PPP2R2A: variants seen among roughly 807,000 people sequenced by gnomAD.
PPP2R2A encodes serine/threonine-protein phosphatase 2A 55 kDa regulatory subunit B alpha isoform.
Under a neutral mutation model 53.2 loss-of-function variants are expected in PPP2R2A, and 9 were observed. That is an observed-to-expected ratio of 0.17 (90% CI 0.10 to 0.30). PPP2R2A has a LOEUF of 0.30. PPP2R2A is among the 10% of genes least tolerant of loss of function. The pLI is 1.00. For synonymous variants in PPP2R2A, 169 were observed against 174.2 expected, an observed-to-expected ratio of 0.97 and a Z score of 0.23; for missense variants, 235 against 534.6, an observed-to-expected ratio of 0.44 and a Z score of 5.53.
chr8:26,350,085 C>A (rs540813655), intron 3 of PPP2R2A, among the ~76,000 whole-genome samples: 3 of 151,548 alleles, frequency 2.0e-5, no homozygotes, highest in Non-Finnish European at 4.4e-5. Flanking sequence ...TTTTTTGAGA[C>A]GAAGTCTTCT....
chr8:26,360,474 G>A lies in PPP2R2A; in HGVS notation c.459+193G>A, dbSNP rs1805022426. On this transcript the variant is annotated intron_variant, in intron 5 of 9. Coordinates refer to ENST00000380737, the MANE Select transcript of PPP2R2A (RefSeq NM_002717.4). The surrounding 1 kb of genome is among the most constrained non-coding windows in gnomAD (Gnocchi z 4.5). Reference sequence around the variant, plus strand: ...TACATAGAGGTCTCACTTTGGCCAGGGACAGAAGCAGGACTCAAGCACAAG... The same window carrying A: ...TACATAGAGGTCTCACTTTGGCCAGAGACAGAAGCAGGACTCAAGCACAAG... 1 of 383,366 alleles carries A rather than the reference G, an allele frequency of 2.6e-6. No individual in the cohort carries two copies. The highest frequency in any genetic ancestry group is 2.1e-5 in the African/African-American group (1 of 48,202). The allele number at this position is 383,366 out of a possible 1,614,324, so 23.7% of individuals were successfully genotyped here.
intron 2 of PPP2R2A, among the ~76,000 whole-genome samples, chr8:26,296,870 C>A (rs1227511552): frequency 6.6e-6 from 1 of 152,170 alleles, no homozygotes; most frequent in Non-Finnish European, 1.5e-5. Flanking sequence ...TCTGCAGAAT[C>A]ATCGGTAGGC....
intron 2 of PPP2R2A, among the ~76,000 whole-genome samples, chr8:26,312,862 T>C (rs936349960): frequency 2.0e-5 from 3 of 152,168 alleles, no homozygotes; most frequent in Admixed American, 6.5e-5. Flanking sequence ...TTGTTTTAGA[T>C]TGATTTTTAT....
chr8:26,324,559 C>G (rs1802993190), intron 2 of PPP2R2A, among the ~76,000 whole-genome samples: 1 of 152,200 alleles, frequency 6.6e-6, no homozygotes, highest in South Asian at 2.1e-4. Flanking sequence ...GCAGGGCCCT[C>G]ATGGAGAACC....
chr8:26,304,769 A>G (rs1801938069), intron 2 of PPP2R2A, among the ~76,000 whole-genome samples: 1 of 152,330 alleles, frequency 6.6e-6, no homozygotes, highest in African/African-American at 2.4e-5. Flanking sequence ...CAAGGCATGC[A>G]ACATGCAAAA....
intron 2 of PPP2R2A, among the ~76,000 whole-genome samples, chr8:26,326,206 C>T (rs183854112): frequency 1.3e-5 from 2 of 152,298 alleles, no homozygotes; most frequent in African/African-American, 4.8e-5. Context: ...AGGTCACTAT[C>T]ATTGCTAAAC....
chr8:26,328,399 A>T (rs1331429360), intron 2 of PPP2R2A, among the ~76,000 whole-genome samples: 1 of 152,204 alleles, frequency 6.6e-6, no homozygotes, highest in Admixed American at 6.5e-5. Flanking sequence ...TGTGAAAGTA[A>T]TTGCCCAATA....
intron 2 of PPP2R2A, among the ~76,000 whole-genome samples, chr8:26,337,189 AAGAT>A (rs1273367693): frequency 6.6e-6 from 1 of 152,208 alleles, no homozygotes; most frequent in Non-Finnish European, 1.5e-5. Context: ...CTAGAGATCA[AAGAT>A]AGGTATTTTG....
At chr8:26,299,045 G>A (rs552772145) in intron 2 of PPP2R2A, among the ~76,000 whole-genome samples, 11 of 152,286 alleles carry the variant, frequency 7.2e-5, no homozygotes, top group African/African-American at 1.7e-4. Flanking sequence ...GAGGCCAGGC[G>A]AGAGGATCTC....
intron 2 of PPP2R2A, among the ~76,000 whole-genome samples, chr8:26,314,187 G>A (rs77278697): frequency 0.064 from 9,735 of 152,102 alleles, 474 homozygotes; most frequent in East Asian, 0.25. Context: ...ACTTCGTTTC[G>A]TTTTCTGTGA....
chr8:26,363,062 A>T, intron 7 of PPP2R2A: 1 of 498,470 alleles, frequency 2.0e-6, no homozygotes, highest in Non-Finnish European at 3.6e-6. Context: ...TTGCCAAGGA[A>T]TATATCTCTC....
chr8:26,366,438 T>C lies in PPP2R2A; in HGVS notation c.1064+32T>C, dbSNP rs1185989839. 8.8e-6 allele frequency: 13 copies of C among 1,472,548 alleles called. No homozygotes were observed. The East Asian group carries it at 2.6e-4, about 29-fold the overall frequency. 91.2% of individuals were successfully genotyped at this position (1,472,548 alleles called of 1,614,324 possible). Reference sequence around the variant, plus strand: ...AAGTCAAACCTCTCAAATATGAATTTTATTAAAGAAAAGAAACAACTATTT... The same window carrying C: ...AAGTCAAACCTCTCAAATATGAATTCTATTAAAGAAAAGAAACAACTATTT... On this transcript the variant is annotated intron_variant, in intron 9 of 9. Coordinates refer to ENST00000380737, the MANE Select transcript of PPP2R2A (RefSeq NM_002717.4).
chr8:26,324,468 A>G (rs1386983027), intron 2 of PPP2R2A, among the ~76,000 whole-genome samples: 4 of 152,226 alleles, frequency 2.6e-5, no homozygotes, highest in Non-Finnish European at 5.9e-5. Context: ...ACAGAAGTCA[A>G]GAACTGAGGT....
In PPP2R2A at chr8:26,360,259, C is replaced by T; in HGVS notation, c.437C>T (p.Pro146Leu). The change falls in exon 5 of 10, where the codon CCT becomes CTT. Residue 146 changes from proline (P) to leucine (L), a missense_variant. Physicochemically the swap from Pro to Leu is moderately conservative, Grantham distance 98 (BLOSUM62 -3). This residue lies in a region of PPP2R2A where 181 missense variants were observed against 409.9 expected (regional missense o/e 0.44). Transcript: ENST00000380737. This position sits in a 1 kb window ranked among gnomAD's most constrained non-coding sequence, Gnocchi z 4.5. ...LKEEDGRYRD[P>L]TTVTTLRVPV... is the part of the protein sequence containing the mutation. ...GAGGAGGATGGAAGGTATAGAGATC[C>T]TACTACAGTTACTACACTACGAGTA... 1.2e-6 allele frequency: 2 copies of T among 1,601,696 alleles called. No homozygotes were observed. The highest frequency in any genetic ancestry group is 1.7e-6 in the Non-Finnish European group (2 of 1,170,838).
chr8:26,363,979 T>C, intron 8 of PPP2R2A, 89 bp downstream of exon 8: 2 of 1,234,530 alleles, frequency 1.6e-6, no homozygotes, highest in Non-Finnish European at 2.2e-6. Context: ...TTTTAATCCC[T>C]GTATGGTGTT....
intron 3 of PPP2R2A, among the ~76,000 whole-genome samples, chr8:26,350,403 G>C (rs866644091): frequency 2.6e-5 from 4 of 152,018 alleles, no homozygotes; most frequent in Non-Finnish European, 2.9e-5. Context: ...TTGAGTAGTT[G>C]TTGTGTTGTT....
Position 26,354,425 on chromosome 8 carries a change from A to G in PPP2R2A, c.181-43A>G, listed in dbSNP as rs369127877. On this transcript the variant is annotated intron_variant, in intron 3 of 9. Transcript: ENST00000380737. This position sits in a 1 kb window ranked among gnomAD's most constrained non-coding sequence, Gnocchi z 4.6. ...TGATTACATATTTGATTATTTTGAA[A>G]TATTTTTCAACAATGGTCCATATAT... 3.5e-6 allele frequency: 5 copies of G among 1,414,024 alleles called. No homozygotes were observed. The highest frequency in any genetic ancestry group is 4.7e-6 in the Non-Finnish European group (5 of 1,053,698). The allele number at this position is 1,414,024 out of a possible 1,614,324, so 87.6% of individuals were successfully genotyped here.
At chr8:26,367,155 A>G (rs374808963) in intron 9 of PPP2R2A, among the ~76,000 whole-genome samples, 2 of 152,326 alleles carry the variant, frequency 1.3e-5, no homozygotes, top group South Asian at 4.1e-4. Flanking sequence ...ACAGAGGATA[A>G]TAGAACTTAT....
intron 4 of PPP2R2A, among the ~76,000 whole-genome samples, chr8:26,358,263 A>G (rs908484438): frequency 1.3e-5 from 2 of 152,086 alleles, no homozygotes; most frequent in Non-Finnish European, 2.9e-5. Flanking sequence ...AGGAGGATGG[A>G]TTTAAACAGG....
Sources: allele counts gnomAD v4.1 joint callset (sites outside exome capture counted in the v4.1 genomes callset), GRCh38; gene constraint gnomAD v4.1.1; regional missense constraint gnomAD v4.1.1; non-coding constraint Gnocchi (gnomAD v3.1); transcripts MANE v1.5; gene names NCBI Gene and HGNC (gene_info 2026-07-23, HGNC 2026-07-21).